KCNJ4: variants seen among roughly 807,000 people sequenced by gnomAD.
KCNJ4 encodes inward rectifier potassium channel 4.
A neutral mutation model predicts 25.6 loss-of-function variants in KCNJ4; 3 were observed. That is an observed-to-expected ratio of 0.12 (90% CI 0.05 to 0.30). The LOEUF (loss-of-function observed/expected upper bound fraction) is 0.30, where lower values mean the gene tolerates loss of function less well. KCNJ4 is among the 10% of genes least tolerant of loss of function. The probability of loss-of-function intolerance (pLI) is 1.00; values close to 1 mark genes in which losing one functional copy is unlikely to be tolerated. For missense variants in KCNJ4, 286 were observed against 666.8 expected (o/e 0.43, Z 6.29); for synonymous variants, 257 against 283.9 (o/e 0.91, Z 0.95).
chr22:38,444,969 T>G (rs1405812912), intron 1 of KCNJ4, among the ~76,000 whole-genome samples: 1 of 151,844 alleles, frequency 6.6e-6, no homozygotes, highest in African/African-American at 2.4e-5. Context: ...AATAATTGAG[T>G]GAACATTTAT....
At position 38,431,936 on chromosome 22, in the gene KCNJ4, C is replaced by T. The variant is rs557424002; in HGVS notation, c.-39-3765G>A. 9.3e-4 allele frequency among the ~76,000 whole-genome samples: 141 copies of T among 151,100 alleles called. 2 individuals carry two copies. The highest frequency in any genetic ancestry group is 3.2e-3 in the African/African-American group (132 of 40,616). ...GGCCTTGACAATTCAGTACCATCCTCCTCTGACTAGAGATGTTTTTTTTTT... is the reference window on the plus strand; with the variant it reads ...GGCCTTGACAATTCAGTACCATCCTTCTCTGACTAGAGATGTTTTTTTTTT... On this transcript the variant is annotated intron_variant, in intron 1 of 1. Transcript: ENST00000303592.
rs146337645 is a variant in KCNJ4 at position 38,443,950 on chromosome 22, C to T, written c.-40+11030G>A. ...TCTCCAACCACGGGAAGAGACCTTC[C>T]TTCCCGTCCCTTTAACGCACCAAGT... is the stretch of plus-strand genomic sequence containing the variant. On this transcript the variant is annotated intron_variant, in intron 1 of 1. Transcript: ENST00000303592. The surrounding 1 kb of genome is among the most constrained non-coding windows in gnomAD (Gnocchi z 4.1). 0.012 allele frequency among the ~76,000 whole-genome samples: 1,882 copies of T among 152,244 alleles called. 93 individuals carry two copies. Among genetic ancestry groups the T allele is most frequent in the Admixed American group, 0.1 (1,568 of 15,274 alleles).
At chr22:38,438,802 A>G (rs1299687204) in intron 1 of KCNJ4, among the ~76,000 whole-genome samples, 4 of 152,162 alleles carry the variant, frequency 2.6e-5, no homozygotes, top group Admixed American at 2.6e-4. Flanking sequence ...TGAGCCTGGG[A>G]GTGAGTGGAC....
chr22:38,437,818 G>A (rs1344907821), intron 1 of KCNJ4, among the ~76,000 whole-genome samples: 1 of 152,150 alleles, frequency 6.6e-6, no homozygotes, highest in East Asian at 1.9e-4. Flanking sequence ...GAATACTCCA[G>A]GAGGTCGGGC....
intron 1 of KCNJ4, among the ~76,000 whole-genome samples, chr22:38,430,418 G>A (rs77658096): frequency 0.05 from 7,625 of 152,244 alleles, 441 homozygotes; most frequent in East Asian, 0.19. Context: ...CAGGAGGATC[G>A]CTTGAACCTG....
At chr22:38,450,813 G>A (rs573594091) in intron 1 of KCNJ4, among the ~76,000 whole-genome samples, 1 of 152,288 alleles carries the variant, frequency 6.6e-6, no homozygotes, top group African/African-American at 2.4e-5. Context: ...GCCCCCAGAG[G>A]AGCCAGAGGA....
At chr22:38,448,074 A>AG (rs2089387555) in intron 1 of KCNJ4, among the ~76,000 whole-genome samples, 1 of 137,834 alleles carries the variant, frequency 7.3e-6, no homozygotes, top group African/African-American at 3.0e-5. Context: ...AAAAAAAAAA[A>AG]GAAAAGAAAA....
Position 38,427,847 on chromosome 22 carries a change from C to T in KCNJ4, c.286G>A (p.Ala96Thr). ...CCACCACCCGCCGCCGGGCCCCCCG[C>T]CGCAGGCACCCCTGGGCTGGCCTCC... ...DLEASPGVPA[A>T]GGPAAGGGGA... The change falls in exon 2 of 2, where the codon GCG (alanine) becomes ACG (threonine). Residue 96 changes from alanine (A) to threonine (T), a missense_variant. Transcript: ENST00000303592. The T allele has an allele frequency of 6.2e-7, 1 of 1,610,028 alleles. No individual in the cohort carries two copies. Among genetic ancestry groups the T allele is most frequent in the Non-Finnish European group, 8.5e-7 (1 of 1,178,046 alleles).
rs113923085 is a variant in KCNJ4, at chr22:38,446,194, A to G, written c.-40+8786T>C. 9.3e-3 allele frequency among the ~76,000 whole-genome samples: 1,417 copies of G among 152,282 alleles called. 21 individuals carry two copies. Among genetic ancestry groups the G allele is most frequent in the African/African-American group, 0.033 (1,352 of 41,554 alleles). On this transcript the variant is annotated intron_variant, in intron 1 of 1. Transcript: ENST00000303592. ...CTGCCGGGCTGCTGATGTAGCTGCT[A>G]AGTGGGGCCCCGCCCGTGGCTGGCT... is the stretch of plus-strand genomic sequence containing the variant.
At chr22:38,439,886 T>G (rs1035607051) in intron 1 of KCNJ4, among the ~76,000 whole-genome samples, 25 of 148,240 alleles carry the variant, frequency 1.7e-4, no homozygotes, top group Admixed American at 1.5e-3. Context: ...GTCAGGAGAT[T>G]GAGACCATCT....
chr22:38,449,588 G>A lies in KCNJ4; in HGVS notation c.-40+5392C>T, dbSNP rs988383225. Among the ~76,000 whole-genome samples, 1 of 152,210 alleles carries A rather than the reference G, an allele frequency of 6.6e-6. No homozygotes were observed. Among genetic ancestry groups the A allele is most frequent in the African/African-American group, 2.4e-5 (1 of 41,450 alleles). On this transcript the variant is annotated intron_variant, in intron 1 of 1. Coordinates refer to ENST00000303592, the MANE Select transcript of KCNJ4 (RefSeq NM_152868.3). This position sits in a 1 kb window ranked among gnomAD's most constrained non-coding sequence, Gnocchi z 5.2. The stretch of plus-strand genomic sequence containing the variant: ...CACGCGCAGGCTGAAAGGGGGCTGC[G>A]AGCAGGTGGGGCAACGGGTGCAGAG...
chr22:38,446,225 T>C (rs1003727555), intron 1 of KCNJ4, among the ~76,000 whole-genome samples: 4 of 152,228 alleles, frequency 2.6e-5, no homozygotes, highest in Admixed American at 1.3e-4. Flanking sequence ...TGGCTGGCCA[T>C]TCTCCTCTGT....
chr22:38,452,245 C>T (rs904148990), intron 1 of KCNJ4, among the ~76,000 whole-genome samples: 15 of 152,336 alleles, frequency 9.8e-5, no homozygotes, highest in African/African-American at 3.6e-4. Flanking sequence ...CAGATGTGGA[C>T]TCCACATGAG....
At chr22:38,453,099 T>A (rs549448320) in intron 1 of KCNJ4, among the ~76,000 whole-genome samples, 24 of 150,436 alleles carry the variant, frequency 1.6e-4, no homozygotes, top group Admixed American at 4.0e-4. Context: ...CTCCTCCCCT[T>A]CCTTCTTATC....
At chr22:38,446,377 C>A (rs915267626) in intron 1 of KCNJ4, among the ~76,000 whole-genome samples, 1 of 152,240 alleles carries the variant, frequency 6.6e-6, no homozygotes, top group African/African-American at 2.4e-5. Flanking sequence ...GAGAGAGGCC[C>A]TTTCCAAGGT....
At chr22:38,442,319 C>T (rs1440707815) in intron 1 of KCNJ4, among the ~76,000 whole-genome samples, 3 of 152,086 alleles carry the variant, frequency 2.0e-5, no homozygotes, top group East Asian at 1.9e-4. Flanking sequence ...GAGGCCGAGG[C>T]GGGCGGATCA....
In KCNJ4 at chr22:38,429,536, C is replaced by T. The variant is rs993892114; in HGVS notation, c.-39-1365G>A. Reference sequence around the variant, plus strand: ...AAAACTCCCTACCTCATGGGACCTACGGGGACAGCAGGTGCTGGGGTAAAG... The same window carrying T: ...AAAACTCCCTACCTCATGGGACCTATGGGGACAGCAGGTGCTGGGGTAAAG... On this transcript the variant is annotated intron_variant, in intron 1 of 1. Transcript: ENST00000303592. Among the ~76,000 whole-genome samples the T allele has an allele frequency of 3.9e-5, 6 of 152,296 alleles. No homozygotes were observed. In the East Asian group the frequency reaches 7.7e-4, roughly 20 times the overall value.
chr22:38,448,059 CA>C (rs11422111), intron 1 of KCNJ4, among the ~76,000 whole-genome samples: 64 of 104,328 alleles, frequency 6.1e-4, no homozygotes, highest in East Asian at 8.0e-4. Flanking sequence ...GTGAGACTCT[CA>C]AAAAAAAAAA....
chr22:38,427,221 G>A lies in KCNJ4; in HGVS notation c.912C>T (p.Arg304=). The part of the protein sequence containing the change: ...VEATAMTTQA[R]SSYLASEILW... ...GGATCTCGCTGGCCAGGTAGGAGCT[G>A]CGGGCCTGGGTGGTCATGGCCGTGG... Residue 304 remains arginine, a synonymous_variant, in exon 2 of 2, where the codon CGC becomes CGT. Coordinates refer to ENST00000303592, the MANE Select transcript of KCNJ4 (RefSeq NM_152868.3). 1 of 1,613,454 alleles carries A rather than the reference G, an allele frequency of 6.2e-7. No homozygotes were observed. The highest frequency in any genetic ancestry group is 8.5e-7 in the Non-Finnish European group (1 of 1,180,004).
Sources: allele counts gnomAD v4.1 joint callset (sites outside exome capture counted in the v4.1 genomes callset), GRCh38; gene constraint gnomAD v4.1.1; non-coding constraint Gnocchi (gnomAD v3.1); transcripts MANE v1.5; gene names NCBI Gene and HGNC (gene_info 2026-07-23, HGNC 2026-07-21).